Variants in GRAMD1C observed in about 807,000 individuals in gnomAD.
GRAMD1C encodes protein Aster-C.
A neutral mutation model predicts 97.8 loss-of-function variants in GRAMD1C; 89 were observed. That is an observed-to-expected ratio of 0.91 (90% CI 0.77 to 1.09). The LOEUF is 1.09. Among genes scored for constraint, GRAMD1C ranks in the 50% least tolerant of loss-of-function variants. The pLI is 0.00. For synonymous variants in GRAMD1C, 256 were observed against 267.0 expected (o/e 0.96, Z 0.40); for missense variants, 740 against 766.4 (o/e 0.97, Z 0.41).
rs372415752 is a variant in GRAMD1C, at chr3:113,933,498, C to G, written c.1210-13C>G. On this transcript the variant is annotated splice_polypyrimidine_tract_variant and intron_variant, in intron 11 of 17. Coordinates refer to ENST00000358160, the MANE Select transcript of GRAMD1C (RefSeq NM_017577.5). ...GCATATACATACAAACATTTTTTAT[C>G]TTACTTTGGCAGACACTGTATAAAG... 199 of 1,597,464 alleles carry G rather than the reference C, an allele frequency of 1.2e-4. No homozygotes were observed. Among genetic ancestry groups the G allele is most frequent in the Middle Eastern group, 1.7e-4 (1 of 6,036 alleles).
At chr3:113,833,486 C>G (rs1016450341) in intron 1 of GRAMD1C, among the ~76,000 whole-genome samples, 1 of 152,026 alleles carries the variant, frequency 6.6e-6, no homozygotes, top group East Asian at 1.9e-4. Context: ...AACATTCCCC[C>G]ACCAACACCT....
chr3:113,917,609 A>G (rs775167848), intron 10 of GRAMD1C, among the ~76,000 whole-genome samples: 6 of 152,286 alleles, frequency 3.9e-5, no homozygotes, highest in Admixed American at 3.3e-4. Flanking sequence ...AGAATGAGCC[A>G]CTGCACCCAG....
chr3:113,941,810 G>A (rs1010832943), intron 17 of GRAMD1C, among the ~76,000 whole-genome samples: 2 of 151,992 alleles, frequency 1.3e-5, no homozygotes, highest in Non-Finnish European at 2.9e-5. Flanking sequence ...GTAGAGACAG[G>A]GTTTCGCCAT....
upstream of GRAMD1C, chr3:113,838,439 G>A (rs1577110057): frequency 6.5e-6 from 1 of 154,592 alleles, no homozygotes; most frequent in Non-Finnish European, 1.4e-5. Context: ...GGGCGTGGTG[G>A]CAGGCGCCTG....
chr3:113,914,230 T>C (rs1430146832), intron 9 of GRAMD1C, among the ~76,000 whole-genome samples: 2 of 152,224 alleles, frequency 1.3e-5, no homozygotes, highest in Non-Finnish European at 2.9e-5. Context: ...TGCCTAGTTT[T>C]GTGATTCATT....
intron 2 of GRAMD1C, among the ~76,000 whole-genome samples, chr3:113,848,807 A>G (rs2107325079): frequency 6.6e-6 from 1 of 152,342 alleles, no homozygotes; most frequent in East Asian, 1.9e-4. Context: ...CGCTGTCTCA[A>G]TAAAATAAGA....
intron 9 of GRAMD1C, 113 bp from the exon 10 acceptor site, chr3:113,915,588 A>T: frequency 1.3e-6 from 1 of 758,588 alleles, no homozygotes; most frequent in Non-Finnish European, 2.1e-6. Flanking sequence ...AATCATATTT[A>T]AAAACCATTT....
chr3:113,873,008 C>T (rs1419665689), intron 3 of GRAMD1C, among the ~76,000 whole-genome samples: 3 of 147,332 alleles, frequency 2.0e-5, no homozygotes, highest in African/African-American at 7.5e-5. Flanking sequence ...TGGCGTGAAC[C>T]TGGGAACCTG....
chr3:113,889,764 G>A lies in GRAMD1C; in HGVS notation c.540+6932G>A, dbSNP rs537452501. ...AGTGATTCTCCTGCCTCAGCCTCCC[G>A]AGTAGCTGGGATTACAGGCATGCGC... is the stretch of plus-strand genomic sequence containing the variant. On this transcript the variant is annotated intron_variant, in intron 6 of 17. Coordinates refer to ENST00000358160, the MANE Select transcript of GRAMD1C (RefSeq NM_017577.5). Among the ~76,000 whole-genome samples the A allele has an allele frequency of 2.0e-5, 3 of 151,924 alleles. 1 individual carries two copies. The highest frequency in any genetic ancestry group is 4.1e-4 in the South Asian group (2 of 4,820).
chr3:113,904,182 T>G lies in GRAMD1C; in HGVS notation c.699T>G (p.Asp233Glu). 6.2e-7 allele frequency: 1 copy of G among 1,608,082 alleles called. No homozygotes were observed. The highest frequency in any genetic ancestry group is 8.5e-7 in the Non-Finnish European group (1 of 1,174,550). ...GCTTGGATGACTCTGGGGAGAGAGA[T>G]GAAAAATTATCCAAGTCAATCAGTT... ...RSSLDDSGER[D>E]EKLSKSISFT... Residue 233 changes from aspartate (D) to glutamate (E), a missense_variant, in exon 8 of 18, where the codon GAT becomes GAG. Physicochemically the swap from Asp to Glu is conservative, Grantham distance 45. Transcript: ENST00000358160.
At chr3:113,904,055 A>G (rs1936266808) in intron 7 of GRAMD1C, 85 bp from the exon 8 acceptor site, 1 of 943,264 alleles carries the variant, frequency 1.1e-6, no homozygotes, top group African/African-American at 1.6e-5. Flanking sequence ...CTGTTTTATC[A>G]TAGGAAATGA....
intron 17 of GRAMD1C, among the ~76,000 whole-genome samples, chr3:113,941,921 C>T (rs1559829963): frequency 7.7e-5 from 10 of 129,480 alleles, no homozygotes; most frequent in African/African-American, 2.9e-4. Flanking sequence ...GCCCGGCCAT[C>T]TTTTTTTTTT....
intron 6 of GRAMD1C, among the ~76,000 whole-genome samples, chr3:113,900,569 C>T (rs867912357): frequency 5.4e-5 from 8 of 149,330 alleles, no homozygotes; most frequent in South Asian, 2.2e-4. Context: ...TATAGGTGTG[C>T]GCCACCATGC....
chr3:113,871,757 A>AAC (rs1559787238), intron 3 of GRAMD1C, among the ~76,000 whole-genome samples: 6 of 142,636 alleles, frequency 4.2e-5, no homozygotes, highest in South Asian at 2.2e-4. Flanking sequence ...AAAAAAAAAA[A>AAC]AAAAAAAAAC....
At chr3:113,903,439 C>G (rs1024959897) in intron 7 of GRAMD1C, among the ~76,000 whole-genome samples, 3 of 152,130 alleles carry the variant, frequency 2.0e-5, no homozygotes, top group African/African-American at 4.8e-5. Flanking sequence ...CTTCTTCCTC[C>G]TCCTTTCCTC....
At chr3:113,852,077 CA>C (rs1045746385) in intron 2 of GRAMD1C, among the ~76,000 whole-genome samples, 1 of 152,000 alleles carries the variant, frequency 6.6e-6, no homozygotes, top group Non-Finnish European at 1.5e-5. Context: ...ACATTATTAA[CA>C]GGTAAATTTT....
intron 10 of GRAMD1C, among the ~76,000 whole-genome samples, chr3:113,926,309 T>C (rs1937228771): frequency 6.6e-6 from 1 of 152,224 alleles, no homozygotes; most frequent in African/African-American, 2.4e-5. Context: ...GTGAGATTCT[T>C]TTCTCAGCTT....
chr3:113,912,512 G>A (rs1936639897), intron 9 of GRAMD1C, among the ~76,000 whole-genome samples: 1 of 152,184 alleles, frequency 6.6e-6, no homozygotes, highest in Non-Finnish European at 1.5e-5. Context: ...GAGAGGCCAA[G>A]GTGGGAGGAT....
rs17853381 is a variant in GRAMD1C, at chr3:113,945,420, T to C, written c.1931T>C (p.Leu644Pro). Residue 644 changes from leucine to proline, a missense_variant, in exon 18 of 18, where the codon CTT (leucine) becomes CCT (proline). Transcript: ENST00000358160. ...CAGCTGAAGAGCTCACTCATTATGC[T>C]TCAGAAAACGTTTGATCTACTAAAT... is the stretch of plus-strand genomic sequence containing the variant. ...LEQLKSSLIM[L>P]QKTFDLLNKN... The C allele has an allele frequency of 6.3e-7, 1 of 1,594,574 alleles. No individual in the cohort carries two copies. Among genetic ancestry groups the C allele is most frequent in the Non-Finnish European group, 8.6e-7 (1 of 1,163,144 alleles).
Sources: allele counts gnomAD v4.1 joint callset (sites outside exome capture counted in the v4.1 genomes callset), GRCh38; gene constraint gnomAD v4.1.1; transcripts MANE v1.5; gene names NCBI Gene and HGNC (gene_info 2026-07-23, HGNC 2026-07-21).